The following LTF variants were observed in gnomAD, a reference collection of about 807,000 sequenced individuals.
LTF encodes epididymis luminal protein 110.
In LTF, 91 loss-of-function variants were observed where a neutral mutation model predicts 87.2. The observed-to-expected ratio is 1.04, with a 90% CI of 0.88 to 1.24. LTF has a LOEUF of 1.24. LTF is among the 50% of genes most tolerant of loss of function. LTF has a pLI of 0.00. For synonymous variants in LTF, 378 were observed against 356.1 expected (o/e 1.06, Z -0.69); for missense variants, 901 against 904.3 (o/e 1.00, Z 0.05).
chr3:46,437,301 G>T (rs1318192890), intron 16 of LTF, among the ~76,000 whole-genome samples: 1 of 149,818 alleles, frequency 6.7e-6, no homozygotes, highest in Non-Finnish European at 1.5e-5. Flanking sequence ...TGGCATCTAT[G>T]GTAACTGTCT....
In LTF at chr3:46,459,717, C is replaced by T. The variant is rs768919985; in HGVS notation, c.146G>A (p.Arg49His). The T allele has an allele frequency of 2.6e-5, 41 of 1,578,982 alleles. No homozygotes were observed. Among genetic ancestry groups the T allele is most frequent in the East Asian group, 4.9e-5 (2 of 40,434 alleles). Residue 49 changes from arginine to histidine, a missense_variant, in exon 2 of 17, where the codon CGT (arginine) becomes CAT (histidine). By Grantham distance (29) the Arg-to-His change is conservative. Coordinates refer to ENST00000231751, the MANE Select transcript of LTF (RefSeq NM_002343.6). The stretch of plus-strand genomic sequence containing the variant: ...CTTTATGCAGCTGACAGGAGGGCCA[C>T]GCACTTTTCTCATATTCCTTTGCCA... ...FQWQRNMRKV[R>H]GPPVSCIKRD...
chr3:46,456,506 G>T, intron 2 of LTF, 108 bp from the exon 3 acceptor site: 1 of 782,300 alleles, frequency 1.3e-6, no homozygotes. Context: ...TCGTCAAAGG[G>T]GTCCGCTTTC....
chr3:46,454,928 A>G (rs1702889896), intron 5 of LTF, among the ~76,000 whole-genome samples: 1 of 152,230 alleles, frequency 6.6e-6, no homozygotes, highest in Admixed American at 6.5e-5. Flanking sequence ...CCAGGACTGG[A>G]CATCTCATGA....
At chr3:46,450,742 C>T (rs1702783997) in intron 6 of LTF, 69 bp from the exon 7 acceptor site, 31 of 1,302,708 alleles carry the variant, frequency 2.4e-5, no homozygotes, top group Admixed American at 4.0e-5. Flanking sequence ...AGCTATAGTT[C>T]CCCTTCTCCC....
At chr3:46,465,427 C>A (rs1703189115), upstream of LTF, among the ~76,000 whole-genome samples, 1 of 152,134 alleles carries the variant, frequency 6.6e-6, no homozygotes, top group African/African-American at 2.4e-5. Flanking sequence ...GAGAGGCTGC[C>A]CAGAGTCTCA....
At chr3:46,447,267 G>T in intron 10 of LTF, 41 bp downstream of exon 10, 2 of 1,478,930 alleles carry the variant, frequency 1.4e-6, no homozygotes, top group South Asian at 2.3e-5. Flanking sequence ...CCACTCCCAT[G>T]ACCCAGAGGG....
At chr3:46,457,241 G>C (rs1315827813) in intron 2 of LTF, among the ~76,000 whole-genome samples, 3 of 152,200 alleles carry the variant, frequency 2.0e-5, no homozygotes, top group Non-Finnish European at 4.4e-5. Context: ...TCTAAAACTG[G>C]ATACATTTTC....
chr3:46,436,323 T>G (rs1285109680), intron 16 of LTF, 94 bp from the exon 17 acceptor site: 1 of 1,106,982 alleles, frequency 9.0e-7, no homozygotes, highest in Non-Finnish European at 1.4e-6. Context: ...ACTAAGAGTT[T>G]TCTCTGCCCT....
intron 1 of LTF, chr3:46,463,381 G>T: frequency 1.2e-6 from 1 of 858,518 alleles, no homozygotes; most frequent in Non-Finnish European, 1.4e-6. Flanking sequence ...TGGCTCCAGG[G>T]CTAAGCAGAC....
At chr3:46,479,589 T>C (rs565445642) in intron 1 of LTF, among the ~76,000 whole-genome samples, 89 of 152,178 alleles carry the variant, frequency 5.8e-4, no homozygotes, top group Non-Finnish European at 1.6e-4. Flanking sequence ...AGTGGCACGA[T>C]CTCAACTCAC....
intron 9 of LTF, among the ~76,000 whole-genome samples, chr3:46,448,216 A>T (rs193237759): frequency 9.9e-5 from 15 of 152,116 alleles, no homozygotes; most frequent in East Asian, 3.9e-4. Flanking sequence ...TAATAATAAT[A>T]ATTATGCAGG....
intron 2 of LTF, among the ~76,000 whole-genome samples, chr3:46,459,107 C>A (rs2106891348): frequency 6.6e-6 from 1 of 152,320 alleles, no homozygotes; most frequent in Non-Finnish European, 1.5e-5. Flanking sequence ...GAGTAAAAAT[C>A]ATTTCAGTAG....
At chr3:46,475,024 T>A (rs1703341289) in intron 1 of LTF, among the ~76,000 whole-genome samples, 1 of 152,132 alleles carries the variant, frequency 6.6e-6, no homozygotes, top group African/African-American at 2.4e-5. Flanking sequence ...ATCAGTAATC[T>A]AAACTGCCAC....
chr3:46,457,224 T>A (rs898695335), intron 2 of LTF, among the ~76,000 whole-genome samples: 1 of 152,254 alleles, frequency 6.6e-6, no homozygotes, highest in African/African-American at 2.4e-5. Context: ...TGTGGACTGC[T>A]TATTCCTCTA....
chr3:46,441,116 A>G (rs1383127330), intron 14 of LTF, among the ~76,000 whole-genome samples: 1 of 152,170 alleles, frequency 6.6e-6, no homozygotes, highest in Non-Finnish European at 1.5e-5. Context: ...GTGGTTGACT[A>G]GAGGAAGCCA....
At chr3:46,455,650 C>G (rs1218026756) in intron 4 of LTF, 146 bp downstream of exon 4, 4 of 1,112,564 alleles carry the variant, frequency 3.6e-6, no homozygotes, top group Non-Finnish European at 5.1e-6. Flanking sequence ...GTAACGGATC[C>G]TGCCAGCAGG....
At chr3:46,483,645 G>A (rs1302662271) in intron 1 of LTF, among the ~76,000 whole-genome samples, 4 of 152,166 alleles carry the variant, frequency 2.6e-5, no homozygotes, top group African/African-American at 9.7e-5. Context: ...ATTAATAGGA[G>A]CAAGAGTGGA....
rs140707220 is a variant in LTF at position 46,482,830 on chromosome 3, G to A, written c.-320+2156C>T. ...AAGAAAGAAAGAAAGAAAGAGAAAG[G>A]GAGGAAGGGAGGGAGGGACAAGAGA... On this transcript the variant is annotated intron_variant, in intron 1 of 19. Coordinates refer to the LTF transcript ENST00000443496. Among the ~76,000 whole-genome samples, 1,028 of 149,414 alleles carry A rather than the reference G, an allele frequency of 6.9e-3. 18 individuals carry two copies. Among genetic ancestry groups the A allele is most frequent in the African/African-American group, 0.023 (944 of 40,210 alleles).
At chr3:46,482,568 GGGAAA>G (rs1559614604) in intron 1 of LTF, among the ~76,000 whole-genome samples, 1 of 113,824 alleles carries the variant, frequency 8.8e-6, no homozygotes, top group Non-Finnish European at 1.8e-5. Flanking sequence ...GGGAAGGGAA[GGGAAA>G]GGAAAGGAAG....
Sources: allele counts gnomAD v4.1 joint callset (sites outside exome capture counted in the v4.1 genomes callset), GRCh38; gene constraint gnomAD v4.1.1; transcripts MANE v1.5; gene names NCBI Gene and HGNC (gene_info 2026-07-23, HGNC 2026-07-21).